POLR3E: variants seen among roughly 807,000 people sequenced by gnomAD.
POLR3E encodes RNA polymerase III subunit E.
POLR3E carries 41 observed loss-of-function variants against 96.6 expected under a neutral mutation model. The ratio of observed to expected loss-of-function variants is 0.42; its 90% CI spans 0.33 to 0.55. POLR3E has a LOEUF of 0.55. Ranked by LOEUF, POLR3E falls within the 20% of genes least tolerant of loss-of-function variation. The probability of loss-of-function intolerance (pLI) is 0.06; values close to 1 mark genes in which losing one functional copy is unlikely to be tolerated. For synonymous variants in POLR3E, 396 were observed against 383.6 expected, an observed-to-expected ratio of 1.03 and a Z score of -0.38; for missense variants, 849 against 952.1, an observed-to-expected ratio of 0.89 and a Z score of 1.43.
rs56100056 is a variant in POLR3E, at chr16:22,330,988, CTTTTT to C, written c.1945-1042_1945-1038del. ...GACAAATAGTGATACATGAAGCATC[CTTTTT>C]TTTTTTTTTTTTTTTTTTTTTTTTT... On this transcript the variant is annotated intron_variant, in intron 19 of 20. Coordinates refer to ENST00000299853, the MANE Select transcript of POLR3E (RefSeq NM_018119.4). Among the ~76,000 whole-genome samples the C allele has an allele frequency of 4.3e-4, 22 of 50,746 alleles. No homozygotes were observed. In the South Asian group the frequency reaches 8.2e-3, roughly 19 times the overall value. The allele number at this position is 50,746 out of a possible 152,430, so 33.3% of individuals were successfully genotyped here. A position where few individuals can be genotyped will look rare whatever the true frequency, so the allele number is the denominator to read the frequency against.
Position 22,324,666 on chromosome 16 carries a change from C to T in POLR3E, c.1286+6C>T. ...TGGACGGGTATCCAGGCCAAGTAAGCACCCTGGGCCAGGGAGGGGCAGCCC... is the reference window on the plus strand; with the variant it reads ...TGGACGGGTATCCAGGCCAAGTAAGTACCCTGGGCCAGGGAGGGGCAGCCC... On this transcript the variant is annotated splice_donor_region_variant and intron_variant, in intron 16 of 20. Transcript: ENST00000299853. 1 of 1,613,774 alleles carries T rather than the reference C, an allele frequency of 6.2e-7. No homozygotes were observed. Among genetic ancestry groups the T allele is most frequent in the South Asian group, 1.1e-5 (1 of 91,082 alleles).
chr16:22,325,762 G>C lies in POLR3E; in HGVS notation c.1350G>C (p.Gly450=). The change falls in exon 18 of 21, where the codon GGG becomes GGC. Residue 450 remains glycine (G), a splice_region_variant and synonymous_variant. Coordinates refer to ENST00000299853, the MANE Select transcript of POLR3E (RefSeq NM_018119.4). The part of the protein sequence containing the change: ...TMPKKPDAQS[G]PAGLVCGDQR... ...GCAGTGCTGCCTCCCTCCCCGCAGG[G>C]CCTGCCGGGCTGGTCTGTGGGGACC... is the stretch of plus-strand genomic sequence containing the variant. The C allele has an allele frequency of 1.3e-6, 2 of 1,554,600 alleles. No homozygotes were observed. The highest frequency in any genetic ancestry group is 1.7e-6 in the Non-Finnish European group (2 of 1,152,004).
chr16:22,323,766 G>A (rs1301704305), intron 14 of POLR3E, among the ~76,000 whole-genome samples: 1 of 152,174 alleles, frequency 6.6e-6, no homozygotes, highest in Non-Finnish European at 1.5e-5. Context: ...CCGCTCCAGT[G>A]TGTAGACACT....
chr16:22,326,499 G>A (rs1051186567), intron 18 of POLR3E: 4 of 594,926 alleles, frequency 6.7e-6, no homozygotes, highest in Non-Finnish European at 1.2e-5. Flanking sequence ...GGCTAAATAC[G>A]GTGTCTGAAG....
intron 3 of POLR3E, 44 bp from the exon 4 acceptor site, chr16:22,308,104 A>G (rs1320961213): frequency 6.8e-7 from 1 of 1,474,726 alleles, no homozygotes; most frequent in Non-Finnish European, 9.5e-7. Flanking sequence ...AGCTCTGGGC[A>G]TGGCTGGGCA....
chr16:22,311,667 A>C (rs1454283416), intron 6 of POLR3E, among the ~76,000 whole-genome samples: 1 of 151,168 alleles, frequency 6.6e-6, no homozygotes, highest in Non-Finnish European at 1.5e-5. Flanking sequence ...AATTTTTTAA[A>C]AAATTTTTTG....
chr16:22,317,092 C>T (rs1450937878), intron 11 of POLR3E, 23 bp from the exon 12 acceptor site: 2 of 1,613,920 alleles, frequency 1.2e-6, no homozygotes, highest in East Asian at 2.2e-5. Context: ...CTGCCTCTAA[C>T]CCGTCCCCTC....
chr16:22,324,796 T>C (rs1278880885), intron 16 of POLR3E, 136 bp downstream of exon 16: 4 of 956,650 alleles, frequency 4.2e-6, no homozygotes, highest in Non-Finnish European at 6.5e-6. Flanking sequence ...TGGATCTGGG[T>C]GTGAAGGGCA....
At chr16:22,324,809 T>G (rs1055485106) in intron 16 of POLR3E, 149 bp downstream of exon 16, 6 of 838,412 alleles carry the variant, frequency 7.2e-6, no homozygotes, top group African/African-American at 1.7e-5. Flanking sequence ...GAAGGGCAGG[T>G]GGGGGTCCGC....
intron 16 of POLR3E, 118 bp downstream of exon 16, chr16:22,324,778 A>C: frequency 8.7e-7 from 1 of 1,147,088 alleles, no homozygotes; most frequent in Non-Finnish European, 1.3e-6. Flanking sequence ...GGGAGAGCGC[A>C]GTTGGGCTGG....
chr16:22,322,255 T>C lies in POLR3E; in HGVS notation c.987-595T>C, dbSNP rs148510639. ...TGCCGCAGCAGGGGCTGAGCCGGGG[T>C]TGCAGGGCCTGTGGCTGGAGCTGGG... On this transcript the variant is annotated intron_variant, in intron 13 of 20. Transcript: ENST00000299853. The surrounding 1 kb of genome is among the most constrained non-coding windows in gnomAD (Gnocchi z 5.2). Among the ~76,000 whole-genome samples the C allele has an allele frequency of 6.6e-6, 1 of 152,048 alleles. No homozygotes were observed. The highest frequency in any genetic ancestry group is 1.5e-5 in the Non-Finnish European group (1 of 67,944).
intron 5 of POLR3E, 78 bp from the exon 6 acceptor site, chr16:22,309,350 G>A (rs986173446): frequency 9.3e-6 from 10 of 1,077,572 alleles, no homozygotes; most frequent in Middle Eastern, 2.0e-4. Context: ...AAGTGTCTAG[G>A]GGGTGGGGTG....
intron 10 of POLR3E, 29 bp downstream of exon 10, chr16:22,316,715 T>C: frequency 6.4e-7 from 1 of 1,573,740 alleles, no homozygotes; most frequent in Non-Finnish European, 8.7e-7. Flanking sequence ...GCATGCAAAC[T>C]GGATGCCTGC....
intron 16 of POLR3E, 55 bp downstream of exon 16, chr16:22,324,715 C>CT: frequency 3.2e-6 from 5 of 1,561,262 alleles, no homozygotes; most frequent in Non-Finnish European, 4.4e-6. Flanking sequence ...ACCCTGCATC[C>CT]TGGGGAGCAC....
At chr16:22,309,559 C>G in intron 6 of POLR3E, 49 bp downstream of exon 6, 1 of 1,240,440 alleles carries the variant, frequency 8.1e-7, no homozygotes, top group Non-Finnish European at 1.2e-6. Context: ...TTGGGGGGGG[C>G]TGGGCAGGGA....
At chr16:22,327,141 G>A (rs137929251) in intron 18 of POLR3E, 2 of 152,878 alleles carry the variant, frequency 1.3e-5, no homozygotes, top group African/African-American at 4.8e-5. Context: ...GGGCTGTGGT[G>A]GTCTCTAAGA....
chr16:22,330,816 A>G (rs970356849), intron 19 of POLR3E, among the ~76,000 whole-genome samples: 2 of 149,732 alleles, frequency 1.3e-5, no homozygotes, highest in African/African-American at 5.0e-5. Flanking sequence ...GAACCATAGC[A>G]AAAAAAAAGG....
intron 3 of POLR3E, among the ~76,000 whole-genome samples, chr16:22,307,731 T>C (rs1256925590): frequency 6.6e-6 from 1 of 152,232 alleles, no homozygotes; most frequent in Non-Finnish European, 1.5e-5. Context: ...CCGGTGTTGC[T>C]TTCACTCTTT....
intron 17 of POLR3E, chr16:22,325,487 C>A: frequency 1.6e-6 from 1 of 609,888 alleles, no homozygotes; most frequent in South Asian, 2.1e-5. Flanking sequence ...AGGGCTGAGT[C>A]TGGGTTCCAG....
Sources: allele counts gnomAD v4.1 joint callset (sites outside exome capture counted in the v4.1 genomes callset), GRCh38; gene constraint gnomAD v4.1.1; non-coding constraint Gnocchi (gnomAD v3.1); transcripts MANE v1.5; gene names NCBI Gene and HGNC (gene_info 2026-07-23, HGNC 2026-07-21).